Variants in PGCKA1 observed in about 807,000 individuals in gnomAD.
PGCKA1 encodes PDCD10 and GCKIII kinases associated 1, also known as PDCD10 and GCKIII kinases-associated protein 1.
chr4:37,511,823 C>G, the PGCKA1 span, among the ~76,000 whole-genome samples: 2 of 152,298 alleles, frequency 1.3e-5, no homozygotes, highest in South Asian at 4.1e-4. Context: ...TGCAGTCGTT[C>G]TGGCCTACTG....
the PGCKA1 span, among the ~76,000 whole-genome samples, chr4:37,496,930 T>C: frequency 6.6e-6 from 1 of 152,040 alleles, no homozygotes. Context: ...ATACTAGTGA[T>C]TTTTTTTATT....
the PGCKA1 span, among the ~76,000 whole-genome samples, chr4:37,511,862 A>G: frequency 6.6e-6 from 1 of 152,212 alleles, no homozygotes; most frequent in African/African-American, 2.4e-5. Context: ...CTAGCGCCCA[A>G]GAGCACTCCC....
the PGCKA1 span, among the ~76,000 whole-genome samples, chr4:37,540,251 A>G: frequency 6.6e-6 from 1 of 152,234 alleles, no homozygotes; most frequent in Non-Finnish European, 1.5e-5. Context: ...TATAAATCAC[A>G]TTATGTATAT....
the PGCKA1 span, among the ~76,000 whole-genome samples, chr4:37,532,286 AT>A: frequency 1.3e-5 from 2 of 152,230 alleles, no homozygotes; most frequent in Non-Finnish European, 2.9e-5. Flanking sequence ...CTATTATCTG[AT>A]TCACCAAAGA....
the PGCKA1 span, among the ~76,000 whole-genome samples, chr4:37,503,937 T>C: frequency 6.6e-6 from 1 of 152,238 alleles, no homozygotes; most frequent in Admixed American, 6.5e-5. Flanking sequence ...TTTCCTTTGC[T>C]GTGCAAAAGC....
chr4:37,559,524 G>A, the PGCKA1 span, among the ~76,000 whole-genome samples: 352 of 151,622 alleles, frequency 2.3e-3, 2 homozygotes, highest in African/African-American at 7.6e-3. Flanking sequence ...CAGCACACCA[G>A]CATGGCACAT....
the PGCKA1 span, among the ~76,000 whole-genome samples, chr4:37,499,080 A>G: frequency 6.6e-6 from 1 of 152,238 alleles, no homozygotes; most frequent in Non-Finnish European, 1.5e-5. Flanking sequence ...TATTGAGAGG[A>G]TCATATTGTT....
chr4:37,462,032 C>T, the PGCKA1 span, among the ~76,000 whole-genome samples: 1 of 151,988 alleles, frequency 6.6e-6, no homozygotes, highest in African/African-American at 2.4e-5. Flanking sequence ...AAGAAGGATA[C>T]TTTTTGGTGA....
At chr4:37,495,628 A>G in the PGCKA1 span, among the ~76,000 whole-genome samples, 8 of 152,118 alleles carry the variant, frequency 5.3e-5, no homozygotes, top group East Asian at 9.6e-4. Flanking sequence ...CAAACACCAC[A>G]TGTTCTCACT....
At chr4:37,540,804 G>A in the PGCKA1 span, among the ~76,000 whole-genome samples, 2 of 151,990 alleles carry the variant, frequency 1.3e-5, no homozygotes, top group African/African-American at 4.8e-5. Flanking sequence ...GGTGGGAGTT[G>A]GGGGGAACCC....
At chr4:37,580,105 C>T in the PGCKA1 span, among the ~76,000 whole-genome samples, 2 of 152,092 alleles carry the variant, frequency 1.3e-5, no homozygotes, top group East Asian at 3.9e-4. Flanking sequence ...TTTTCAACTC[C>T]AGAATTTCTG....
chr4:37,580,022 C>T, the PGCKA1 span, among the ~76,000 whole-genome samples: 1 of 152,078 alleles, frequency 6.6e-6, no homozygotes, highest in Admixed American at 6.6e-5. Flanking sequence ...TTCAAGGTCA[C>T]TAATTCTTTA....
the PGCKA1 span, among the ~76,000 whole-genome samples, chr4:37,553,406 T>C: frequency 6.9e-4 from 95 of 137,520 alleles, no homozygotes; most frequent in Middle Eastern, 3.8e-3. Flanking sequence ...GTTAGTTTCA[T>C]CTTAGAAGGA....
the PGCKA1 span, among the ~76,000 whole-genome samples, chr4:37,471,057 C>G: frequency 1.3e-5 from 2 of 152,158 alleles, no homozygotes; most frequent in Non-Finnish European, 2.9e-5. Flanking sequence ...ATTCTATACT[C>G]CCACACCACG....
chr4:37,488,261 CTAAAAGACTAG>C, the PGCKA1 span, among the ~76,000 whole-genome samples: 3 of 152,080 alleles, frequency 2.0e-5, no homozygotes, highest in African/African-American at 7.2e-5. Flanking sequence ...AGTGTATTTC[CTAAAAGACTAG>C]TTTCAAACCA....
the PGCKA1 span, among the ~76,000 whole-genome samples, chr4:37,531,572 T>G: frequency 1.1e-4 from 16 of 151,498 alleles, no homozygotes; most frequent in Admixed American, 9.8e-4. Context: ...TTAAAATATA[T>G]TAAAGTATAA....
the PGCKA1 span, among the ~76,000 whole-genome samples, chr4:37,485,537 C>G: frequency 6.6e-6 from 1 of 152,118 alleles, no homozygotes; most frequent in South Asian, 2.1e-4. Context: ...TCCCAGCCTC[C>G]AGAACTTTAA....
the PGCKA1 span, among the ~76,000 whole-genome samples, chr4:37,569,684 T>C: frequency 1.2e-3 from 186 of 152,342 alleles, no homozygotes; most frequent in African/African-American, 4.3e-3. Context: ...AAGTTTGTTA[T>C]GAGAAAAAAA....
chr4:37,520,384 C>T, the PGCKA1 span, among the ~76,000 whole-genome samples: 1 of 152,122 alleles, frequency 6.6e-6, no homozygotes, highest in African/African-American at 2.4e-5. Flanking sequence ...GCCATCAGGT[C>T]CCTGGCTTTT....
Sources: gnomAD v4.1 joint callset for allele counts (sites outside exome capture counted in the v4.1 genomes callset) on GRCh38, gnomAD v4.1.1 for gene constraint, MANE v1.5 for transcripts, NCBI Gene and HGNC (gene_info 2026-07-23, HGNC 2026-07-21) for gene names.